The following SPI1 variants were observed in gnomAD, a reference collection of about 807,000 sequenced individuals.
The protein encoded by SPI1 is Spi-1 proto-oncogene.
Under a neutral mutation model 30.7 loss-of-function variants are expected in SPI1, and 3 were observed. The observed-to-expected ratio is 0.10, with a 90% confidence interval of 0.04 to 0.25. The LOEUF (loss-of-function observed/expected upper bound fraction) is 0.25. SPI1 is among the 10% of genes least tolerant of loss of function. The pLI is 1.00. For missense variants in SPI1, 261 were observed against 371.5 expected (o/e 0.70, Z 2.45); for synonymous variants, 169 against 157.1 (o/e 1.08, Z -0.56).
intron 1 of SPI1, among the ~76,000 whole-genome samples, chr11:47,377,803 T>C (rs1359778850): frequency 6.6e-6 from 1 of 152,220 alleles, no homozygotes; most frequent in Non-Finnish European, 1.5e-5. Context: ...TCAACAATCA[T>C]GTCCTCTGTG....
At chr11:47,358,545 TGTGCAC>T (rs1383308412) in intron 4 of SPI1, 1 of 692,906 alleles carries the variant, frequency 1.4e-6, no homozygotes, top group Non-Finnish European at 2.6e-6. Flanking sequence ...TGCCCGTACC[TGTGCAC>T]ACGCACCCTC....
Position 47,355,360 on chromosome 11 carries a change from T to A in SPI1, c.680A>T (p.Lys227Met). The change falls in exon 5 of 5, where the codon AAG (lysine) becomes ATG (methionine). Residue 227 changes from lysine to methionine, a missense_variant. Coordinates refer to ENST00000378538, the MANE Select transcript of SPI1 (RefSeq NM_003120.3). Reference protein sequence around the residue: ...KGNRKKMTYQKMARALRNYGK... With the variant: ...KGNRKKMTYQMMARALRNYGK... ...GTAGTTGCGCAGCGCGCGCGCCATC[T>A]TCTGGTAGGTCATCTTCTTGCGGTT... 6.2e-7 allele frequency: 1 copy of A among 1,613,798 alleles called. No individual in the cohort carries two copies. Among genetic ancestry groups the A allele is most frequent in the Non-Finnish European group, 8.5e-7 (1 of 1,179,760 alleles).
chr11:47,358,260 A>C, intron 4 of SPI1: 1 of 444,654 alleles, frequency 2.2e-6, no homozygotes, highest in Middle Eastern at 6.4e-4. Flanking sequence ...ACACTTGCTC[A>C]CACACCTGCT....
chr11:47,363,059 A>G lies in SPI1; in HGVS notation c.143-3019T>C, dbSNP rs1393864446. 2.6e-5 allele frequency among the ~76,000 whole-genome samples: 4 copies of G among 152,146 alleles called. 1 individual carries two copies. In the South Asian group the frequency reaches 8.3e-4, roughly 31 times the overall value. ...CCACCTTAGTCAATGGCCCAGAGAA[A>G]TAACTTTAGGGGACCATGTTGTCAC... is the stretch of plus-strand genomic sequence containing the variant. On this transcript the variant is annotated intron_variant, in intron 2 of 4. Coordinates refer to ENST00000378538, the MANE Select transcript of SPI1 (RefSeq NM_003120.3).
At chr11:47,355,936 AC>A (rs2095907959) in intron 4 of SPI1, among the ~76,000 whole-genome samples, 1 of 147,400 alleles carries the variant, frequency 6.8e-6, no homozygotes, top group Non-Finnish European at 1.5e-5. Flanking sequence ...ACCCACTCAC[AC>A]TCATGCTTAA....
intron 2 of SPI1, among the ~76,000 whole-genome samples, chr11:47,364,981 GA>G (rs2095926306): frequency 6.6e-6 from 1 of 152,192 alleles, no homozygotes; most frequent in African/African-American, 2.4e-5. Context: ...TAAGGTTTCA[GA>G]AGGCCCAATG....
chr11:47,364,064 T>C (rs2095924918), intron 2 of SPI1, among the ~76,000 whole-genome samples: 2 of 151,936 alleles, frequency 1.3e-5, no homozygotes, highest in East Asian at 3.9e-4. Context: ...TTTTCTTTTT[T>C]TTTTGAGATG....
chr11:47,375,511 A>G lies in SPI1; in HGVS notation c.142+122T>C, dbSNP rs1595864304. ...CTGCAGTTCACTGCCTTTGAGAGCA[A>G]ACTTGATCTGATTCTCAGAATTCCA... On this transcript the variant is annotated intron_variant, in intron 2 of 4. Transcript: ENST00000378538. This position sits in a 1 kb window ranked among gnomAD's most constrained non-coding sequence, Gnocchi z 4.2. 1.5e-5 allele frequency: 12 copies of G among 811,552 alleles called. No homozygotes were observed. The East Asian group carries it at 3.0e-4, about 20-fold the overall frequency. 50.3% of individuals were successfully genotyped at this position (811,552 alleles called of 1,614,324 possible).
rs546054518 is a variant in SPI1, at chr11:47,374,157, C to T, written c.142+1476G>A. The stretch of plus-strand genomic sequence containing the variant: ...CTGGAACCGCTTGGGAAGGTGGGTG[C>T]GTGGTCTCTGGGTCCCCCAGACCGG... On this transcript the variant is annotated intron_variant, in intron 2 of 4. Coordinates refer to ENST00000378538, the MANE Select transcript of SPI1 (RefSeq NM_003120.3). This position sits in a 1 kb window ranked among gnomAD's most constrained non-coding sequence, Gnocchi z 4.5. Among the ~76,000 whole-genome samples the T allele has an allele frequency of 2.6e-5, 4 of 152,142 alleles. No individual in the cohort carries two copies. The highest frequency in any genetic ancestry group is 2.1e-4 in the South Asian group (1 of 4,824).
chr11:47,364,506 G>A (rs1425657587), intron 2 of SPI1, among the ~76,000 whole-genome samples: 1 of 152,040 alleles, frequency 6.6e-6, no homozygotes, highest in Non-Finnish European at 1.5e-5. Flanking sequence ...TTCTGGCTCT[G>A]CCCATTTTTG....
At chr11:47,356,171 CTT>C (rs1420243182) in intron 4 of SPI1, among the ~76,000 whole-genome samples, 3 of 151,644 alleles carry the variant, frequency 2.0e-5, no homozygotes, top group Non-Finnish European at 4.4e-5. Flanking sequence ...CACACTGTCA[CTT>C]TCTCACACAC....
chr11:47,356,815 TACAC>T (rs1441942679), intron 4 of SPI1, among the ~76,000 whole-genome samples: 11 of 144,408 alleles, frequency 7.6e-5, no homozygotes, highest in Non-Finnish European at 1.7e-4. Flanking sequence ...CACACCTGCT[TACAC>T]ACATCTCACG....
intron 4 of SPI1, among the ~76,000 whole-genome samples, chr11:47,357,729 C>A (rs2095913739): frequency 6.6e-6 from 1 of 151,716 alleles, no homozygotes; most frequent in Non-Finnish European, 1.5e-5. Flanking sequence ...CCACGCCTGA[C>A]TAATTTTTGT....
At chr11:47,377,982 C>T (rs540258255) in intron 1 of SPI1, among the ~76,000 whole-genome samples, 1 of 152,228 alleles carries the variant, frequency 6.6e-6, no homozygotes, top group African/African-American at 2.4e-5. Flanking sequence ...TCCTCTACCT[C>T]TCTACCACCG....
chr11:47,360,803 G>A (rs570771026), intron 2 of SPI1, among the ~76,000 whole-genome samples: 3 of 125,376 alleles, frequency 2.4e-5, no homozygotes, highest in Non-Finnish European at 1.6e-5. Context: ...CCAGCCTGGC[G>A]ACAGAGTGAG....
At chr11:47,360,496 C>T (rs747885695) in intron 2 of SPI1, among the ~76,000 whole-genome samples, 1 of 152,128 alleles carries the variant, frequency 6.6e-6, no homozygotes, top group Non-Finnish European at 1.5e-5. Flanking sequence ...CAGAGCCGGC[C>T]CTCAGGGAAA....
chr11:47,356,931 C>T (rs2095911209), intron 4 of SPI1, among the ~76,000 whole-genome samples: 1 of 150,310 alleles, frequency 6.7e-6, no homozygotes, highest in African/African-American at 2.4e-5. Context: ...CACCTCACAC[C>T]ATTCACTCAC....
rs1330623709 is a variant in SPI1 at position 47,364,774 on chromosome 11, C to A, written c.143-4734G>T. Among the ~76,000 whole-genome samples, 4 of 152,106 alleles carry A rather than the reference C, an allele frequency of 2.6e-5. No individual in the cohort carries two copies. The East Asian group carries it at 7.7e-4, about 29-fold the overall frequency. On this transcript the variant is annotated intron_variant, in intron 2 of 4. Coordinates refer to ENST00000378538, the MANE Select transcript of SPI1 (RefSeq NM_003120.3). ...GCATTTCCCAAAGCTGGTCTCAGTC[C>A]ACCATCATCCATCACTTGGAGAGGC...
intron 2 of SPI1, among the ~76,000 whole-genome samples, chr11:47,364,328 G>A (rs1227918132): frequency 6.6e-6 from 1 of 152,114 alleles, no homozygotes; most frequent in Non-Finnish European, 1.5e-5. Context: ...GGGATTACAG[G>A]CGTCTGGCCT....
Sources: gnomAD v4.1 joint callset for allele counts (sites outside exome capture counted in the v4.1 genomes callset) on GRCh38, gnomAD v4.1.1 for gene constraint, Gnocchi (gnomAD v3.1) non-coding constraint, MANE v1.5 for transcripts, NCBI Gene and HGNC (gene_info 2026-07-23, HGNC 2026-07-21) for gene names.